Variants in NUB1 observed in about 807,000 individuals in gnomAD.
NUB1 encodes the protein NEDD8 ultimate buster 1.
A neutral mutation model predicts 77.1 loss-of-function variants in NUB1; 41 were observed. That is an observed-to-expected ratio of 0.53 (90% CI 0.41 to 0.69). The LOEUF (loss-of-function observed/expected upper bound fraction) is 0.69, where lower values mean the gene tolerates loss of function less well. Ranked by LOEUF, NUB1 falls within the 30% of genes least tolerant of loss-of-function variation. The probability of loss-of-function intolerance (pLI) is 0.00; values close to 1 mark genes in which losing one functional copy is unlikely to be tolerated. For missense variants in NUB1, 643 were observed against 743.8 expected, an observed-to-expected ratio of 0.86 and a Z score of 1.58; for synonymous variants, 257 against 281.0, an observed-to-expected ratio of 0.91 and a Z score of 0.85.
At chr7:151,353,318 A>C (rs375192) in intron 5 of NUB1, among the ~76,000 whole-genome samples, 2 of 151,980 alleles carry the variant, frequency 1.3e-5, no homozygotes, top group Non-Finnish European at 2.9e-5. Flanking sequence ...TGTGTGGAGA[A>C]TGAGGGGAGG....
rs1798408474 is a variant in NUB1 at position 151,378,338 on chromosome 7, C to G, written c.*1113C>G. 6.6e-6 allele frequency: 1 copy of G among 152,182 alleles called. No individual in the cohort carries two copies. The highest frequency in any genetic ancestry group is 2.4e-5 in the African/African-American group (1 of 41,436). 9.4% of individuals were successfully genotyped at this position (152,182 alleles called of 1,614,324 possible). On this transcript the variant is annotated 3_prime_UTR_variant, in exon 15 of 15. Transcript: ENST00000568733. The stretch of plus-strand genomic sequence containing the variant: ...ATCATGCGGAGCCGGCTGAAATGCT[C>G]CAACTTTTTCAAAGTGTGGGTGGTC...
At chr7:151,371,983 C>T (rs978896370) in intron 11 of NUB1, among the ~76,000 whole-genome samples, 47 of 152,224 alleles carry the variant, frequency 3.1e-4, no homozygotes, top group African/African-American at 1.1e-3. Flanking sequence ...GCTGGGATTA[C>T]AGGTGTGAGC....
At chr7:151,357,204 G>A (rs1207321796) in intron 7 of NUB1, among the ~76,000 whole-genome samples, 1 of 90,266 alleles carries the variant, frequency 1.1e-5, no homozygotes, top group African/African-American at 4.4e-5. Flanking sequence ...TTTTTTTTTT[G>A]AGATGGAGTC....
intron 8 of NUB1, 55 bp downstream of exon 8, chr7:151,360,302 T>C (rs1358157635): frequency 7.7e-6 from 7 of 903,720 alleles, no homozygotes; most frequent in South Asian, 5.6e-5. Context: ...GCCCAGACTA[T>C]ACAGAACACC....
chr7:151,356,220 AAAGT>A lies in NUB1; in HGVS notation c.693+4_693+7del, dbSNP rs1472038860. ...AATCAGAATTCCCCCATCAGAAAGA[AAAGT>A]AAGTACTATGAGAAATGTGTGGCCT... On this transcript the variant is annotated splice_donor_variant and coding_sequence_variant, in exon 7 of 15. Coordinates refer to ENST00000568733, the MANE Select transcript of NUB1 (RefSeq NM_001243351.2). LOFTEE classifies it high-confidence loss of function. 6.2e-7 allele frequency: 1 copy of A among 1,606,174 alleles called. No individual in the cohort carries two copies. The highest frequency in any genetic ancestry group is 8.5e-7 in the Non-Finnish European group (1 of 1,172,998).
intron 13 of NUB1, 200 bp from the exon 14 acceptor site, chr7:151,376,434 C>T (rs1360305993): frequency 1.7e-6 from 1 of 571,490 alleles, no homozygotes; most frequent in Non-Finnish European, 3.0e-6. Flanking sequence ...CTCCCTGACG[C>T]ACCCGACTTG....
At chr7:151,376,079 C>T in intron 13 of NUB1, 136 bp downstream of exon 13, 1 of 676,870 alleles carries the variant, frequency 1.5e-6, no homozygotes, top group Non-Finnish European at 2.7e-6. Context: ...GTGTAACCTG[C>T]CCACCTCAGA....
At chr7:151,362,063 T>C (rs1438703238) in intron 8 of NUB1, among the ~76,000 whole-genome samples, 1 of 152,224 alleles carries the variant, frequency 6.6e-6, no homozygotes, top group Non-Finnish European at 1.5e-5. Context: ...CATACATCTG[T>C]GTGAGCCTCC....
intron 13 of NUB1, chr7:151,376,318 G>A (rs933189738): frequency 1.2e-5 from 6 of 484,206 alleles, no homozygotes; most frequent in Admixed American, 7.0e-5. Flanking sequence ...CCCTACACGC[G>A]TTAGCACGCC....
At chr7:151,376,914 C>A in intron 14 of NUB1, 103 bp downstream of exon 14, 2 of 1,438,700 alleles carry the variant, frequency 1.4e-6, no homozygotes, top group Non-Finnish European at 1.9e-6. Context: ...AGGGGGCGTC[C>A]CCTGACGTCA....
Position 151,350,189 on chromosome 7 carries a change from C to T in NUB1, c.285+949C>T, listed in dbSNP as rs760449157. ...AGAAGGCGGAGCCAGGTGTACAGAG[C>T]GGAACATGAAAGTGAAACAGGAGCG... On this transcript the variant is annotated intron_variant, in intron 3 of 14. Transcript: ENST00000568733. Among the ~76,000 whole-genome samples, 4 of 152,242 alleles carry T rather than the reference C, an allele frequency of 2.6e-5. No individual in the cohort carries two copies. The East Asian group carries it at 5.8e-4, about 22-fold the overall frequency.
At chr7:151,353,401 T>C (rs1796909434) in intron 5 of NUB1, among the ~76,000 whole-genome samples, 1 of 152,154 alleles carries the variant, frequency 6.6e-6, no homozygotes, top group African/African-American at 2.4e-5. Flanking sequence ...TGGCATTGTC[T>C]GGAGACATTT....
At chr7:151,361,474 G>C (rs1462148948) in intron 8 of NUB1, among the ~76,000 whole-genome samples, 1 of 152,180 alleles carries the variant, frequency 6.6e-6, no homozygotes, top group Non-Finnish European at 1.5e-5. Flanking sequence ...CCCAGACCAG[G>C]AATCAGCAAT....
At chr7:151,366,893 T>C (rs746168856) in intron 8 of NUB1, 46 bp from the exon 9 acceptor site, 4 of 1,481,424 alleles carry the variant, frequency 2.7e-6, no homozygotes, top group Non-Finnish European at 2.7e-6. Context: ...GCTAAAAATG[T>C]TTCAAATGCT....
intron 4 of NUB1, 140 bp downstream of exon 4, chr7:151,351,622 G>T: frequency 1.5e-6 from 1 of 653,204 alleles, no homozygotes. Context: ...AGGCTTTGAG[G>T]TTGAAGGACT....
At chr7:151,342,300 C>T (rs966061839) in intron 1 of NUB1, among the ~76,000 whole-genome samples, 1 of 152,170 alleles carries the variant, frequency 6.6e-6, no homozygotes, top group African/African-American at 2.4e-5. Context: ...ATCATTCTCA[C>T]CTCCTTCCCT....
intron 8 of NUB1, chr7:151,360,628 AT>A (rs137968562): frequency 3.2e-5 from 5 of 156,406 alleles, no homozygotes; most frequent in Middle Eastern, 3.2e-3. Context: ...TTCTGTACTT[AT>A]TTTTTTTGAG....
intron 5 of NUB1, among the ~76,000 whole-genome samples, chr7:151,353,702 A>G (rs1796929424): frequency 6.6e-6 from 1 of 152,204 alleles, no homozygotes; most frequent in Non-Finnish European, 1.5e-5. Context: ...TGAAGGTGGC[A>G]TGAGTTGACT....
intron 3 of NUB1, 30 bp downstream of exon 3, chr7:151,349,270 A>C (rs1380146747): frequency 1.3e-6 from 2 of 1,561,724 alleles, no homozygotes; most frequent in Non-Finnish European, 1.7e-6. Flanking sequence ...TTGAGTAGGC[A>C]CTAATGTCCA....
Sources: gnomAD v4.1 joint callset for allele counts (sites outside exome capture counted in the v4.1 genomes callset) on GRCh38, gnomAD v4.1.1 for gene constraint, MANE v1.5 for transcripts, NCBI Gene and HGNC (gene_info 2026-07-23, HGNC 2026-07-21) for gene names.